Variants in FAHD2A observed in about 807,000 individuals in gnomAD.
The protein encoded by FAHD2A is oxaloacetate tautomerase FAHD2A, mitochondrial.
Under a neutral mutation model 33.4 loss-of-function variants are expected in FAHD2A, and 27 were observed. That is an observed-to-expected ratio of 0.81 (90% CI 0.60 to 1.11). The LOEUF is 1.11. Ranked by LOEUF, FAHD2A falls within the 50% of genes most tolerant of loss-of-function variation. The probability of loss-of-function intolerance (pLI) is 0.00; values close to 1 mark genes in which losing one functional copy is unlikely to be tolerated. For missense variants in FAHD2A, 296 were observed against 395.0 expected, an observed-to-expected ratio of 0.75 and a Z score of 2.12; for synonymous variants, 130 against 153.3, an observed-to-expected ratio of 0.85 and a Z score of 1.12.
rs969732665 is a variant in FAHD2A, at chr2:95,413,264, A to T, written c.*307A>T. 3.0e-6 allele frequency: 4 copies of T among 1,331,014 alleles called. No individual in the cohort carries two copies. In the African/African-American group the frequency reaches 5.9e-5, roughly 20 times the overall value. 82.5% of individuals were successfully genotyped at this position (1,331,014 alleles called of 1,614,324 possible). A position where few individuals can be genotyped will look rare whatever the true frequency, so the allele number is the denominator to read the frequency against. Reference sequence around the variant, plus strand: ...AAGATGCTGCTGGGCTGGGGAAAAGACAATTCGTGTCGTCCCCTTGTTTAT... The same window carrying T: ...AAGATGCTGCTGGGCTGGGGAAAAGTCAATTCGTGTCGTCCCCTTGTTTAT... On this transcript the variant is annotated 3_prime_UTR_variant, in exon 8 of 8. Transcript: ENST00000233379.
intron 3 of FAHD2A, among the ~76,000 whole-genome samples, chr2:95,410,192 A>G (rs1682240818): frequency 6.6e-6 from 1 of 152,216 alleles, no homozygotes; most frequent in Admixed American, 6.5e-5. Context: ...ACATATTGCT[A>G]GGGGATATTA....
Position 95,413,220 on chromosome 2 carries a change from TAC to T in FAHD2A, c.*271_*272del, listed in dbSNP as rs1013548429. On this transcript the variant is annotated 3_prime_UTR_variant, in exon 8 of 8. Transcript: ENST00000233379. Reference sequence around the variant, plus strand: ...TGGGACTGGGGAAGAAGAGAGCAAATACACACACATATGCCAAAAAGATGCTG... The same window carrying T: ...TGGGACTGGGGAAGAAGAGAGCAAATACACACATATGCCAAAAAGATGCTG... 1 of 1,099,530 alleles carries T rather than the reference TAC, an allele frequency of 9.1e-7. No individual in the cohort carries two copies. The highest frequency in any genetic ancestry group is 2.6e-5 in the East Asian group (1 of 38,320). The allele number at this position is 1,099,530 out of a possible 1,614,324, so 68.1% of individuals were successfully genotyped here.
chr2:95,410,832 C>T (rs771572341), intron 4 of FAHD2A, 32 bp from the exon 5 acceptor site: 6 of 1,612,506 alleles, frequency 3.7e-6, no homozygotes, highest in South Asian at 1.1e-5. Flanking sequence ...ATGATCTAAC[C>T]TCCTGTATGG....
rs202237876 is a variant in FAHD2A, at chr2:95,412,789, A to G, written c.882+25A>G. On this transcript the variant is annotated intron_variant, in intron 7 of 7. Coordinates refer to ENST00000233379, the MANE Select transcript of FAHD2A (RefSeq NM_016044.3). ...GGTAGGTTAGCGAAAAGCAAAGAGC[A>G]AGGGCCCCAAAGGCCTGGCAGGCTT... The G allele has an allele frequency of 2.7e-5, 44 of 1,614,086 alleles. 1 individual carries two copies. In the East Asian group the frequency reaches 9.6e-4, roughly 35 times the overall value.
At chr2:95,405,366 C>A (rs778510902) in intron 1 of FAHD2A, 187 bp from the exon 2 acceptor site, 6 of 749,642 alleles carry the variant, frequency 8.0e-6, no homozygotes, top group Non-Finnish European at 1.3e-5. Context: ...GTAGTAGTTG[C>A]TCCTCTAGAA....
At position 95,414,073 on chromosome 2, in the gene FAHD2A, C is replaced by T. The variant is rs539029988; in HGVS notation, c.*1116C>T. ...AGGGAGGACAGGGAGACACTGGGCA[C>T]AGGCTTCTCTCCTCTTGTTTAAAGA... On this transcript the variant is annotated 3_prime_UTR_variant, in exon 8 of 8. Coordinates refer to ENST00000233379, the MANE Select transcript of FAHD2A (RefSeq NM_016044.3). 5 of 1,410,236 alleles carry T rather than the reference C, an allele frequency of 3.5e-6. No homozygotes were observed. The South Asian group carries it at 5.8e-5, about 16-fold the overall frequency. The allele number at this position is 1,410,236 out of a possible 1,614,324, so 87.4% of individuals were successfully genotyped here.
chr2:95,410,346 G>A (rs1467477452), intron 3 of FAHD2A, among the ~76,000 whole-genome samples, 181 bp from the exon 4 acceptor site: 1 of 152,164 alleles, frequency 6.6e-6, no homozygotes, highest in African/African-American at 2.4e-5. Flanking sequence ...AAATGTATGG[G>A]TCTACAAGTC....
Position 95,410,389 on chromosome 2 carries a change from C to T in FAHD2A, c.463-138C>T, listed in dbSNP as rs190511186. The stretch of plus-strand genomic sequence containing the variant: ...CCTTGTCATTCACTGGGCTCTGGTT[C>T]GTGGTGATGGCAAACATGGGATGGC... On this transcript the variant is annotated intron_variant, in intron 3 of 7. Transcript: ENST00000233379. 3.0e-3 allele frequency: 3,424 copies of T among 1,140,324 alleles called. 20 individuals carry two copies. Among genetic ancestry groups the T allele is most frequent in the Non-Finnish European group, 2.6e-3 (2,076 of 800,568 alleles). 70.6% of individuals were successfully genotyped at this position (1,140,324 alleles called of 1,614,324 possible). A position where few individuals can be genotyped will look rare whatever the true frequency, so the allele number is the denominator to read the frequency against.
At chr2:95,410,769 C>G in intron 4 of FAHD2A, 95 bp from the exon 5 acceptor site, 1 of 1,575,864 alleles carries the variant, frequency 6.3e-7, no homozygotes, top group East Asian at 2.2e-5. Context: ...GCTCTGGCTA[C>G]TAACATGGGA....
rs1682948234 is a variant in FAHD2A, at chr2:95,414,347, T to G, written c.*1390T>G. ...ATCAAAAAGAAAATCTAGTGCTGGG[T>G]GGATATAGAGTATGAAGATGTGGAG... On this transcript the variant is annotated 3_prime_UTR_variant, in exon 8 of 8. Coordinates refer to ENST00000233379, the MANE Select transcript of FAHD2A (RefSeq NM_016044.3). 2 of 767,954 alleles carry G rather than the reference T, an allele frequency of 2.6e-6. No individual in the cohort carries two copies. Among genetic ancestry groups the G allele is most frequent in the Non-Finnish European group, 4.6e-6 (2 of 434,028 alleles). The allele number at this position is 767,954 out of a possible 1,614,324, so 47.6% of individuals were successfully genotyped here.
At chr2:95,407,863 T>G (rs1681860318) in intron 3 of FAHD2A, among the ~76,000 whole-genome samples, 1 of 152,236 alleles carries the variant, frequency 6.6e-6, no homozygotes, top group South Asian at 2.1e-4. Context: ...TAACACTGGT[T>G]ACTTTTTCTC....
Position 95,414,487 on chromosome 2 carries a change from G to T in FAHD2A, c.*1530G>T. 6.4e-6 allele frequency: 3 copies of T among 467,490 alleles called. No homozygotes were observed. The highest frequency in any genetic ancestry group is 1.2e-5 in the Non-Finnish European group (3 of 255,092). The allele number at this position is 467,490 out of a possible 1,614,324, so 29.0% of individuals were successfully genotyped here. ...ATTCTGTTTTTGTTTTCCTGAATCA[G>T]ACTTAGTCTCCCTCCATTCTCCCGT... On this transcript the variant is annotated 3_prime_UTR_variant, in exon 8 of 8. Coordinates refer to ENST00000233379, the MANE Select transcript of FAHD2A (RefSeq NM_016044.3).
downstream of FAHD2A, among the ~76,000 whole-genome samples, chr2:95,418,090 G>T (rs1015232444): frequency 6.6e-6 from 1 of 151,962 alleles, no homozygotes; most frequent in Non-Finnish European, 1.5e-5. Context: ...ATGGCAATAA[G>T]CCACAATTCA....
chr2:95,416,745 C>A (rs900302236), downstream of FAHD2A: 2 of 152,220 alleles, frequency 1.3e-5, no homozygotes, highest in African/African-American at 4.8e-5. Context: ...CGGATCCTTA[C>A]AAGGTCCAAG....
downstream of FAHD2A, among the ~76,000 whole-genome samples, chr2:95,420,702 G>C (rs1270262928): frequency 6.6e-6 from 1 of 151,900 alleles, no homozygotes; most frequent in Non-Finnish European, 1.5e-5. Flanking sequence ...AAAATAAAAA[G>C]AAGTTGAGGA....
chr2:95,418,798 G>A (rs1349636731), downstream of FAHD2A, among the ~76,000 whole-genome samples: 1 of 151,986 alleles, frequency 6.6e-6, no homozygotes, highest in Non-Finnish European at 1.5e-5. Flanking sequence ...CGGTCTTATG[G>A]GTTAAATCAT....
intron 1 of FAHD2A, among the ~76,000 whole-genome samples, chr2:95,403,764 C>T (rs1241334762): frequency 1.3e-5 from 2 of 152,184 alleles, no homozygotes; most frequent in African/African-American, 4.8e-5. Flanking sequence ...CTCTTTAAGC[C>T]TTAATTGTTT....
downstream of FAHD2A, among the ~76,000 whole-genome samples, chr2:95,420,313 G>C (rs1683298348): frequency 6.6e-6 from 1 of 152,084 alleles, no homozygotes; most frequent in South Asian, 2.1e-4. Context: ...CATGAGACAT[G>C]CTTGCTTGAC....
At position 95,405,807 on chromosome 2, in the gene FAHD2A, A is replaced by G; in HGVS notation, c.245+4A>G. On this transcript the variant is annotated splice_donor_region_variant and intron_variant, in intron 2 of 7. Coordinates refer to ENST00000233379, the MANE Select transcript of FAHD2A (RefSeq NM_016044.3). ...CCACCCTCTCAGTGGCAAGAAGGTA[A>G]GTAAGTGGGCAGCATCGCCCTGAAG... 6.2e-7 allele frequency: 1 copy of G among 1,602,742 alleles called. No homozygotes were observed. The highest frequency in any genetic ancestry group is 8.5e-7 in the Non-Finnish European group (1 of 1,174,732).
Sources: gnomAD v4.1 joint callset for allele counts (sites outside exome capture counted in the v4.1 genomes callset) on GRCh38, gnomAD v4.1.1 for gene constraint, MANE v1.5 for transcripts, NCBI Gene and HGNC (gene_info 2026-07-23, HGNC 2026-07-21) for gene names.